The following SDK2 variants were observed in gnomAD, a reference collection of about 807,000 sequenced individuals.
SDK2 encodes sidekick cell adhesion molecule 2.
SDK2 carries 105 observed loss-of-function variants against 253.9 expected under a neutral mutation model. The ratio of observed to expected loss-of-function variants is 0.41; its 90% CI spans 0.35 to 0.49. The LOEUF is 0.49. SDK2 is among the 20% of genes least tolerant of loss of function. The pLI, the probability that SDK2 is intolerant of heterozygous loss-of-function variation, is 0.06. For synonymous variants in SDK2, 1,249 were observed against 1,234.9 expected (o/e 1.01, Z -0.24); for missense variants, 2,608 against 3,003.0 (o/e 0.87, Z 3.07).
At chr17:73,535,338 G>A (rs1452533617) in intron 1 of SDK2, among the ~76,000 whole-genome samples, 2 of 152,048 alleles carry the variant, frequency 1.3e-5, no homozygotes, top group East Asian at 1.9e-4. Flanking sequence ...TGTCAAATGG[G>A]GATCTCCACC....
Position 73,534,715 on chromosome 17 carries a change from G to A in SDK2, c.65-27118C>T, listed in dbSNP as rs2064199920. Among the ~76,000 whole-genome samples, 1 of 152,158 alleles carries A rather than the reference G, an allele frequency of 6.6e-6. No individual in the cohort carries two copies. The highest frequency in any genetic ancestry group is 1.5e-5 in the Non-Finnish European group (1 of 68,034). On this transcript the variant is annotated intron_variant, in intron 1 of 44. Coordinates refer to ENST00000392650, the MANE Select transcript of SDK2 (RefSeq NM_001144952.2). This position sits in a 1 kb window ranked among gnomAD's most constrained non-coding sequence, Gnocchi z 4.9. ...AGCCTGGGATTGAAACCATCCATTT[G>A]CCTGACAGCTGAGAGTGGAGTAGGC...
intron 33 of SDK2, among the ~76,000 whole-genome samples, chr17:73,381,261 C>G (rs1488569752): frequency 6.6e-6 from 1 of 152,146 alleles, no homozygotes; most frequent in Non-Finnish European, 1.5e-5. Context: ...CACCCCAATT[C>G]TCTTCCTTGT....
Position 73,476,794 on chromosome 17 carries a change from G to A in SDK2, c.225-4576C>T, listed in dbSNP as rs1056907551. Reference sequence around the variant, plus strand: ...TTCAGCCAGGAATACCCAGGTCCCAGTTAGGGTCTAATTAGGGCCATGAGG... The same window carrying A: ...TTCAGCCAGGAATACCCAGGTCCCAATTAGGGTCTAATTAGGGCCATGAGG... On this transcript the variant is annotated intron_variant, in intron 2 of 44. Transcript: ENST00000392650. Among the ~76,000 whole-genome samples the A allele has an allele frequency of 3.3e-5, 5 of 152,166 alleles. No homozygotes were observed. The South Asian group carries it at 1.0e-3, about 32-fold the overall frequency.
chr17:73,641,421 G>A (rs543580841), intron 1 of SDK2, among the ~76,000 whole-genome samples: 2 of 152,184 alleles, frequency 1.3e-5, no homozygotes, highest in African/African-American at 2.4e-5. Flanking sequence ...GCCAGATCAT[G>A]AGAGCCCGTT....
At chr17:73,514,801 G>A (rs1356675811) in intron 1 of SDK2, among the ~76,000 whole-genome samples, 1 of 152,098 alleles carries the variant, frequency 6.6e-6, no homozygotes, top group Non-Finnish European at 1.5e-5. Flanking sequence ...TTCTAGACTC[G>A]CAAACTTTTC....
At chr17:73,340,073 T>G (rs980969954) in intron 44 of SDK2, among the ~76,000 whole-genome samples, 2 of 152,138 alleles carry the variant, frequency 1.3e-5, no homozygotes, top group African/African-American at 4.8e-5. Flanking sequence ...GGTTTCACCA[T>G]GTTGGCCAGG....
intron 2 of SDK2, among the ~76,000 whole-genome samples, chr17:73,504,705 C>G (rs1375734776): frequency 2.7e-5 from 3 of 111,988 alleles, no homozygotes; most frequent in Non-Finnish European, 6.0e-5. Context: ...GGAATTTGAG[C>G]TGGGCCCTGC....
chr17:73,630,881 C>T (rs897829939), intron 1 of SDK2, among the ~76,000 whole-genome samples: 15 of 152,004 alleles, frequency 9.9e-5, no homozygotes, highest in African/African-American at 3.1e-4. Flanking sequence ...GCACACCGCC[C>T]CTCCCTGAAG....
At chr17:73,364,063 G>C (rs927996579) in intron 38 of SDK2, among the ~76,000 whole-genome samples, 7 of 151,960 alleles carry the variant, frequency 4.6e-5, no homozygotes, top group East Asian at 3.9e-4. Context: ...GTGATTGGAG[G>C]GGGTGAGAGT....
intron 4 of SDK2, among the ~76,000 whole-genome samples, chr17:73,451,373 G>A (rs1294357427): frequency 6.6e-6 from 1 of 152,190 alleles, no homozygotes. Flanking sequence ...AGATGTGGTG[G>A]TGCATGCCTG....
chr17:73,603,348 T>C (rs1408019779), intron 1 of SDK2, among the ~76,000 whole-genome samples: 1 of 152,188 alleles, frequency 6.6e-6, no homozygotes, highest in Non-Finnish European at 1.5e-5. Context: ...AGAGAGAGAC[T>C]TCTGGGCCGG....
chr17:73,581,244 C>T (rs1848631607), intron 1 of SDK2, among the ~76,000 whole-genome samples: 2 of 152,118 alleles, frequency 1.3e-5, no homozygotes, highest in South Asian at 4.2e-4. Flanking sequence ...AGCACTTTTG[C>T]TGGTCTTTCA....
chr17:73,412,191 CACACATATACATATATGTATATGCATAT>C (rs573210455), intron 18 of SDK2, among the ~76,000 whole-genome samples: 2 of 147,046 alleles, frequency 1.4e-5, no homozygotes, highest in Non-Finnish European at 3.0e-5. Context: ...TATGCACATA[CACACATATACATATATGTATATGCATAT>C]ACACATATAC....
chr17:73,623,666 T>C lies in SDK2; in HGVS notation c.64+20359A>G, dbSNP rs370954850. Among the ~76,000 whole-genome samples the C allele has an allele frequency of 8.5e-4, 130 of 152,278 alleles. 2 individuals are homozygous for C. In the South Asian group the frequency reaches 0.013, roughly 16 times the overall value. On this transcript the variant is annotated intron_variant, in intron 1 of 44. Transcript: ENST00000392650. Reference sequence around the variant, plus strand: ...TGCCTAGCTGCCCCCTGATCTCACCTGACACTGGGACTCTGATCCCCTTTC... The same window carrying C: ...TGCCTAGCTGCCCCCTGATCTCACCCGACACTGGGACTCTGATCCCCTTTC...
At chr17:73,521,033 A>G (rs1231638588) in intron 1 of SDK2, 1 of 117,342 alleles carries the variant, frequency 8.5e-6, no homozygotes, top group Non-Finnish European at 1.6e-5. Context: ...TCACTTGAAA[A>G]TGATTTTTTT....
intron 18 of SDK2, among the ~76,000 whole-genome samples, chr17:73,413,248 G>A (rs9302963): frequency 0.95 from 144,065 of 151,768 alleles, 68,525 homozygotes; most frequent in Non-Finnish European, 0.99. Context: ...TCTAGGTTGC[G>A]TACTCCTTAT....
intron 1 of SDK2, among the ~76,000 whole-genome samples, chr17:73,510,765 A>T (rs113816624): frequency 5.9e-5 from 9 of 152,296 alleles, no homozygotes; most frequent in African/African-American, 1.9e-4. Context: ...AACTGCTGGG[A>T]TTAGACGCCT....
chr17:73,457,273 TC>T (rs2063533833), intron 3 of SDK2, among the ~76,000 whole-genome samples: 2 of 51,588 alleles, frequency 3.9e-5, no homozygotes, highest in East Asian at 7.8e-4. Flanking sequence ...CTTCCTTCCT[TC>T]CTTCCTTCCT....
intron 2 of SDK2, among the ~76,000 whole-genome samples, chr17:73,490,980 T>C (rs2063802577): frequency 6.6e-6 from 1 of 152,206 alleles, no homozygotes; most frequent in African/African-American, 2.4e-5. Context: ...CAAGTTTGCA[T>C]GGCCAGTAGT....
Sources: gnomAD v4.1 joint callset for allele counts (sites outside exome capture counted in the v4.1 genomes callset) on GRCh38, gnomAD v4.1.1 for gene constraint, Gnocchi (gnomAD v3.1) non-coding constraint, MANE v1.5 for transcripts, NCBI Gene and HGNC (gene_info 2026-07-23, HGNC 2026-07-21) for gene names.